Variants in MCM3AP observed in about 807,000 individuals in gnomAD.
MCM3AP encodes minichromosome maintenance complex component 3 associated protein.
A neutral mutation model predicts 184.1 loss-of-function variants in MCM3AP; 126 were observed. The ratio of observed to expected loss-of-function variants is 0.68; its 90% CI spans 0.59 to 0.79. The LOEUF is 0.79. Among genes scored for constraint, MCM3AP ranks in the 30% least tolerant of loss-of-function variants. The pLI is 0.00. For synonymous variants in MCM3AP, 1,002 were observed against 979.3 expected, an observed-to-expected ratio of 1.02 and a Z score of -0.43; for missense variants, 2,496 against 2,479.2, an observed-to-expected ratio of 1.01 and a Z score of -0.14.
intron 21 of MCM3AP, 96 bp from the exon 22 acceptor site, chr21:46,246,500 G>T: frequency 7.0e-7 from 1 of 1,419,602 alleles, no homozygotes. Flanking sequence ...TCCTGCAGTG[G>T]ACAGTCACCA....
chr21:46,284,737 TACTA>T lies in MCM3AP; in HGVS notation c.546_549del (p.Ser183ValfsTer14). ...AAAGGGGCCAGGCCTCCAGGTGCACTACTAATTGGGTGGGAAAATGTAAAAAACC... is the reference window on the plus strand; with the variant it reads ...AAAGGGGCCAGGCCTCCAGGTGCACTATTGGGTGGGAAAATGTAAAAAACC... On this transcript the variant is annotated frameshift_variant, in exon 1 of 28. Transcript: ENST00000291688. LOFTEE classifies it high-confidence loss of function. The T allele has an allele frequency of 3.1e-6, 5 of 1,613,924 alleles. No individual in the cohort carries two copies. Among genetic ancestry groups the T allele is most frequent in the Non-Finnish European group, 4.2e-6 (5 of 1,179,932 alleles).
Position 46,285,061 on chromosome 21 carries a change from T to A in MCM3AP, c.226A>T (p.Thr76Ser). The A allele has an allele frequency of 6.2e-7, 1 of 1,614,192 alleles. No homozygotes were observed. The highest frequency in any genetic ancestry group is 1.1e-5 in the South Asian group (1 of 91,080). The change falls in exon 1 of 28, where the codon ACC becomes TCC. Residue 76 changes from threonine to serine, a missense_variant. Coordinates refer to ENST00000291688, the MANE Select transcript of MCM3AP (RefSeq NM_003906.5). The stretch of plus-strand genomic sequence containing the variant: ...AAGGGTCCAACACTTGAGGTTTGGG[T>A]GAACCCTAATGTTTGCACTGAAGAG... ...HSSSVQTLGFTQTSSVGPFSG... is the reference protein window; with the variant it reads ...HSSSVQTLGFSQTSSVGPFSG...
intron 6 of MCM3AP, 68 bp downstream of exon 6, chr21:46,275,118 T>C: frequency 6.7e-7 from 1 of 1,502,142 alleles, no homozygotes; most frequent in Non-Finnish European, 8.9e-7. Flanking sequence ...CCAAATCAAG[T>C]ATGTACAGAA....
intron 27 of MCM3AP, among the ~76,000 whole-genome samples, 183 bp downstream of exon 27, chr21:46,236,646 C>T (rs779885224): frequency 1.3e-5 from 2 of 152,192 alleles, no homozygotes; most frequent in Non-Finnish European, 2.9e-5. Flanking sequence ...TAGGCAGAAA[C>T]TCAAAATCAG....
intron 20 of MCM3AP, 145 bp from the exon 21 acceptor site, chr21:46,247,031 GC>G (rs1569056419): frequency 7.0e-6 from 5 of 718,078 alleles, no homozygotes; most frequent in Non-Finnish European, 1.2e-5. Context: ...GCACAGCTGG[GC>G]ATACCCTGTA....
At chr21:46,267,208 C>T in intron 9 of MCM3AP, 66 bp from the exon 10 acceptor site, 1 of 1,507,738 alleles carries the variant, frequency 6.6e-7, no homozygotes, top group Non-Finnish European at 9.0e-7. Flanking sequence ...GCAGTCAGCC[C>T]ATGACCACAG....
At chr21:46,251,840 C>G in intron 19 of MCM3AP, 158 bp from the exon 20 acceptor site, 1 of 485,992 alleles carries the variant, frequency 2.1e-6, no homozygotes, top group Admixed American at 3.3e-5. Flanking sequence ...CTGCACAAAA[C>G]AGGCTGTTGT....
intron 9 of MCM3AP, among the ~76,000 whole-genome samples, chr21:46,269,912 C>G (rs1477314456): frequency 6.6e-6 from 1 of 152,234 alleles, no homozygotes; most frequent in African/African-American, 2.4e-5. Context: ...ACAGTTTACT[C>G]TGCGCAAACC....
At chr21:46,264,515 C>T (rs928482375) in intron 12 of MCM3AP, among the ~76,000 whole-genome samples, 1 of 152,194 alleles carries the variant, frequency 6.6e-6, no homozygotes, top group Non-Finnish European at 1.5e-5. Flanking sequence ...CCCTGATCCC[C>T]AGATGGGCTG....
At chr21:46,238,395 A>C (rs554978114) in intron 26 of MCM3AP, among the ~76,000 whole-genome samples, 1 of 120,242 alleles carries the variant, frequency 8.3e-6, no homozygotes, top group South Asian at 2.6e-4. Flanking sequence ...GTCTACTTCC[A>C]TATACCGGTC....
rs2081275779 is a variant in MCM3AP at position 46,277,843 on chromosome 21, C to G, written c.1668-126G>C. 7 of 514,428 alleles carry G rather than the reference C, an allele frequency of 1.4e-5. No individual in the cohort carries two copies. The South Asian group carries it at 2.3e-4, about 17-fold the overall frequency. The allele number at this position is 514,428 out of a possible 1,614,324, so 31.9% of individuals were successfully genotyped here. A position where few individuals can be genotyped will look rare whatever the true frequency, so the allele number is the denominator to read the frequency against. ...CTCTAAAGCTGAGAAACTACAAGCA[C>G]TGAAATGAGATGAGTTTTGATAAGG... On this transcript the variant is annotated intron_variant, in intron 4 of 27. Coordinates refer to ENST00000291688, the MANE Select transcript of MCM3AP (RefSeq NM_003906.5).
chr21:46,280,073 G>C lies in MCM3AP; in HGVS notation c.1587C>G (p.Ser529Arg), dbSNP rs1210223935. The change falls in exon 4 of 28, where the codon AGC becomes AGG. Residue 529 changes from serine to arginine, a missense_variant. By Grantham distance (110) the Ser-to-Arg change is moderately radical (BLOSUM62 -1). Coordinates refer to ENST00000291688, the MANE Select transcript of MCM3AP (RefSeq NM_003906.5). ...KKPGDGEVSPSTEDAPFQHSP... is the reference protein window; with the variant it reads ...KKPGDGEVSPRTEDAPFQHSP... ...AGTGCTGAAAGGGTGCATCCTCTGT[G>C]CTCGGGCTGACTTCACCGTCACCTG... 17 of 1,614,052 alleles carry C rather than the reference G, an allele frequency of 1.1e-5. No homozygotes were observed. Among genetic ancestry groups the C allele is most frequent in the Non-Finnish European group, 1.3e-5 (15 of 1,180,026 alleles).
chr21:46,273,187 C>G (rs2081205032), intron 7 of MCM3AP, among the ~76,000 whole-genome samples: 1 of 152,136 alleles, frequency 6.6e-6, no homozygotes, highest in Non-Finnish European at 1.5e-5. Flanking sequence ...GTTGGCCAGG[C>G]TGGTCTCAAA....
At chr21:46,267,367 A>G in intron 9 of MCM3AP, 1 of 531,920 alleles carries the variant, frequency 1.9e-6, no homozygotes, top group Admixed American at 3.3e-5. Flanking sequence ...TCTCATAGAG[A>G]AGGATGGCTT....
chr21:46,259,179 G>A, intron 15 of MCM3AP, 88 bp from the exon 16 acceptor site: 1 of 1,379,456 alleles, frequency 7.2e-7, no homozygotes, highest in South Asian at 1.4e-5. Context: ...GAGTCAGTCA[G>A]GCGCGGTGGC....
At chr21:46,268,901 G>A (rs2081145649) in intron 9 of MCM3AP, among the ~76,000 whole-genome samples, 1 of 152,050 alleles carries the variant, frequency 6.6e-6, no homozygotes, top group Non-Finnish European at 1.5e-5. Context: ...GGGCGTGGTG[G>A]CGGGCTCCTG....
chr21:46,248,840 A>G (rs1242582751), intron 20 of MCM3AP, among the ~76,000 whole-genome samples: 1 of 152,186 alleles, frequency 6.6e-6, no homozygotes. Context: ...CACAGTAGGA[A>G]GAGATGAGAT....
At chr21:46,269,587 C>T (rs1211143275) in intron 9 of MCM3AP, among the ~76,000 whole-genome samples, 1 of 152,150 alleles carries the variant, frequency 6.6e-6, no homozygotes, top group Non-Finnish European at 1.5e-5. Flanking sequence ...TGATGTGTGA[C>T]CAAAGAAATG....
At chr21:46,256,027 G>A (rs2080944260) in intron 17 of MCM3AP, among the ~76,000 whole-genome samples, 1 of 152,198 alleles carries the variant, frequency 6.6e-6, no homozygotes, top group African/African-American at 2.4e-5. Flanking sequence ...GTTTTCAGAG[G>A]GAACATCCAG....
Sources: allele counts gnomAD v4.1 joint callset (sites outside exome capture counted in the v4.1 genomes callset), GRCh38; gene constraint gnomAD v4.1.1; transcripts MANE v1.5; gene names NCBI Gene and HGNC (gene_info 2026-07-23, HGNC 2026-07-21).